EPHA6: variants seen among roughly 807,000 people sequenced by gnomAD.
EPHA6 encodes EPH receptor A6, also known as ephrin type-A receptor 6.
EPHA6 carries 50 observed loss-of-function variants against 112.0 expected under a neutral mutation model. The ratio of observed to expected loss-of-function variants is 0.45; its 90% CI spans 0.36 to 0.56. The LOEUF (loss-of-function observed/expected upper bound fraction) is 0.56, where lower values mean the gene tolerates loss of function less well. Ranked by LOEUF, EPHA6 falls within the 20% of genes least tolerant of loss-of-function variation. EPHA6 has a pLI of 0.00. For synonymous variants in EPHA6, 529 were observed against 490.7 expected (o/e 1.08, Z -1.03); for missense variants, 1,280 against 1,417.4 (o/e 0.90, Z 1.56).
chr3:96,949,783 A>G (rs1035401497), intron 2 of EPHA6, among the ~76,000 whole-genome samples: 9 of 152,128 alleles, frequency 5.9e-5, no homozygotes, highest in Non-Finnish European at 1.2e-4. Flanking sequence ...TCTACTGCTT[A>G]AACTTACTCT....
intron 5 of EPHA6, among the ~76,000 whole-genome samples, chr3:97,381,218 A>G (rs1039047233): frequency 1.6e-4 from 24 of 152,126 alleles, no homozygotes; most frequent in Non-Finnish European, 3.2e-4. Flanking sequence ...ACATTTTCTC[A>G]AAATATAGCT....
At chr3:96,890,762 A>T (rs1269363371) in intron 2 of EPHA6, among the ~76,000 whole-genome samples, 1 of 152,214 alleles carries the variant, frequency 6.6e-6, no homozygotes, top group Admixed American at 6.5e-5. Flanking sequence ...ACTTTGGGAA[A>T]CTATTTGGCA....
intron 3 of EPHA6, among the ~76,000 whole-genome samples, chr3:97,218,906 T>C (rs754430997): frequency 6.6e-6 from 1 of 152,072 alleles, no homozygotes; most frequent in African/African-American, 2.4e-5. Context: ...GGTACAGGCA[T>C]TGGGTAAATA....
At chr3:96,900,114 G>A (rs974655750) in intron 2 of EPHA6, among the ~76,000 whole-genome samples, 1 of 152,158 alleles carries the variant, frequency 6.6e-6, no homozygotes, top group Non-Finnish European at 1.5e-5. Context: ...TAGGTATAAA[G>A]AGGACACTTG....
At chr3:97,005,130 C>CT (rs928605385) in intron 3 of EPHA6, among the ~76,000 whole-genome samples, 11 of 151,860 alleles carry the variant, frequency 7.2e-5, no homozygotes, top group African/African-American at 1.7e-4. Flanking sequence ...TTTAAAATAG[C>CT]TTTTTTTTCT....
chr3:97,413,433 C>T (rs998045392), intron 6 of EPHA6, among the ~76,000 whole-genome samples: 3 of 151,696 alleles, frequency 2.0e-5, no homozygotes, highest in Non-Finnish European at 2.9e-5. Context: ...GGAAGTGAGG[C>T]AGATCGTTAC....
Position 97,673,578 on chromosome 3 carries a change from A to G in EPHA6, c.2784+35496A>G, listed in dbSNP as rs185015657. On this transcript the variant is annotated intron_variant, in intron 14 of 17. Coordinates refer to ENST00000389672, the MANE Select transcript of EPHA6 (RefSeq NM_001080448.3). ...AGGGTAAGATGAGGCTATTAACTCT[A>G]CTCTGAGTCATATGTAAGAGCAGAT... is the stretch of plus-strand genomic sequence containing the variant. Among the ~76,000 whole-genome samples the G allele has an allele frequency of 1.2e-4, 19 of 152,250 alleles. No homozygotes were observed. In the East Asian group the frequency reaches 3.7e-3, roughly 29 times the overall value.
At chr3:97,685,150 T>C (rs2032151975) in intron 14 of EPHA6, among the ~76,000 whole-genome samples, 1 of 152,132 alleles carries the variant, frequency 6.6e-6, no homozygotes, top group African/African-American at 2.4e-5. Flanking sequence ...AAAACAGAAA[T>C]AAATTTGTCT....
chr3:96,973,462 A>T lies in EPHA6; in HGVS notation c.451-13868A>T, dbSNP rs148484730. Reference sequence around the variant, plus strand: ...AGCTATTACAGGTTTAAAATAATTCAATCTGTAATTATTATAAATATCTAT... The same window carrying T: ...AGCTATTACAGGTTTAAAATAATTCTATCTGTAATTATTATAAATATCTAT... On this transcript the variant is annotated intron_variant, in intron 2 of 17. Transcript: ENST00000389672. 9.4e-3 allele frequency among the ~76,000 whole-genome samples: 1,434 copies of T among 152,248 alleles called. 15 individuals carry two copies. The highest frequency in any genetic ancestry group is 0.016 in the Non-Finnish European group (1,091 of 68,004).
intron 5 of EPHA6, among the ~76,000 whole-genome samples, chr3:97,388,874 C>A (rs1315210023): frequency 6.6e-6 from 1 of 152,136 alleles, no homozygotes; most frequent in African/African-American, 2.4e-5. Context: ...GGAAACTGAT[C>A]TGCACAGCTA....
intron 3 of EPHA6, among the ~76,000 whole-genome samples, chr3:97,200,026 C>A (rs1208403253): frequency 6.6e-6 from 1 of 152,038 alleles, no homozygotes; most frequent in Non-Finnish European, 1.5e-5. Context: ...GGTTATAGAG[C>A]AGCATTTGCA....
chr3:97,222,646 A>G (rs1187251587), intron 3 of EPHA6, among the ~76,000 whole-genome samples: 1 of 152,240 alleles, frequency 6.6e-6, no homozygotes, highest in Non-Finnish European at 1.5e-5. Flanking sequence ...TTAAGCAGAA[A>G]ACATATAAAT....
chr3:96,883,881 A>G (rs953449903), intron 2 of EPHA6, among the ~76,000 whole-genome samples: 1 of 152,128 alleles, frequency 6.6e-6, no homozygotes, highest in Non-Finnish European at 1.5e-5. Context: ...CATGTTGGCC[A>G]GGCTGGTCTT....
chr3:97,400,187 T>C (rs2086913128), intron 5 of EPHA6, among the ~76,000 whole-genome samples: 1 of 151,758 alleles, frequency 6.6e-6, no homozygotes, highest in African/African-American at 2.4e-5. Context: ...CACCATTTAT[T>C]GAAAAGATGC....
At chr3:96,882,077 G>A (rs1321410519) in intron 2 of EPHA6, among the ~76,000 whole-genome samples, 1 of 152,136 alleles carries the variant, frequency 6.6e-6, no homozygotes, top group Non-Finnish European at 1.5e-5. Flanking sequence ...TTCTACTGTG[G>A]ATCTGCCATT....
rs528107510 is a variant in EPHA6 at position 97,382,811 on chromosome 3, G to T, written c.1607-22339G>T. ...AATGAACCATATTGAAGCCATCTAGGTTCAATTTTAGTATTTATGCTTTTA... is the reference window on the plus strand; with the variant it reads ...AATGAACCATATTGAAGCCATCTAGTTTCAATTTTAGTATTTATGCTTTTA... On this transcript the variant is annotated intron_variant, in intron 5 of 17. Coordinates refer to ENST00000389672, the MANE Select transcript of EPHA6 (RefSeq NM_001080448.3). Among the ~76,000 whole-genome samples the T allele has an allele frequency of 5.9e-5, 9 of 151,986 alleles. No homozygotes were observed. The South Asian group carries it at 1.2e-3, about 21-fold the overall frequency.
chr3:97,003,981 T>C (rs2043778384), intron 3 of EPHA6, among the ~76,000 whole-genome samples: 1 of 152,192 alleles, frequency 6.6e-6, no homozygotes, highest in Non-Finnish European at 1.5e-5. Context: ...CTCATTCCTT[T>C]TTATGGCTGC....
chr3:96,866,888 G>C lies in EPHA6; in HGVS notation c.449G>C (p.Gly150Ala). 1 of 1,466,230 alleles carries C rather than the reference G, an allele frequency of 6.8e-7. No individual in the cohort carries two copies. 90.8% of individuals were successfully genotyped at this position (1,466,230 alleles called of 1,614,324 possible). Residue 150 changes from glycine to alanine, a missense_variant and splice_region_variant, in exon 2 of 18, where the codon GGG becomes GCG. By Grantham distance (60) the Gly-to-Ala change is moderately conservative. Around this residue, in one of 4 missense-constraint regions of EPHA6, gnomAD observed 878 missense variants for 999.7 expected, o/e 0.88. Coordinates refer to ENST00000389672, the MANE Select transcript of EPHA6 (RefSeq NM_001080448.3). ...GGATGGAAAACATATCCATTAAATG[G>C]GGTAAGTTTAAATATCTGAAAAATT... is the stretch of plus-strand genomic sequence containing the variant. ...ELGWKTYPLN[G>A]WDAITEMDEH... is the part of the protein sequence containing the mutation.
chr3:96,916,466 G>T (rs746652886), intron 2 of EPHA6, among the ~76,000 whole-genome samples: 1 of 152,082 alleles, frequency 6.6e-6, no homozygotes, highest in African/African-American at 2.4e-5. Flanking sequence ...AACATCTGGG[G>T]AAAAATACAT....
Sources: allele counts gnomAD v4.1 joint callset (sites outside exome capture counted in the v4.1 genomes callset), GRCh38; gene constraint gnomAD v4.1.1; regional missense constraint gnomAD v4.1.1; transcripts MANE v1.5; gene names NCBI Gene and HGNC (gene_info 2026-07-23, HGNC 2026-07-21).